The following RBFOX1 variants were observed in gnomAD, a reference collection of about 807,000 sequenced individuals.
RBFOX1 encodes the protein RNA binding fox-1 homolog 1, also known as RNA binding protein fox-1 homolog 1.
Under a neutral mutation model 57.7 loss-of-function variants are expected in RBFOX1, and 8 were observed. The observed-to-expected ratio is 0.14, with a 90% CI of 0.08 to 0.25. RBFOX1 has a LOEUF of 0.25. RBFOX1 is among the 10% of genes least tolerant of loss of function. The probability of loss-of-function intolerance (pLI) is 1.00; values close to 1 mark genes in which losing one functional copy is unlikely to be tolerated. For synonymous variants in RBFOX1, 326 were observed against 222.4 expected (o/e 1.47, Z -4.15); for missense variants, 611 against 548.5 (o/e 1.11, Z -1.14).
At chr16:5,391,315 A>G (rs934102091) in intron 1 of RBFOX1, among the ~76,000 whole-genome samples, 1 of 147,580 alleles carries the variant, frequency 6.8e-6, no homozygotes, top group Non-Finnish European at 1.5e-5. Context: ...CAGTGGGGTT[A>G]TGTTCCTCCT....
At chr16:7,610,321 G>C (rs183720751) in intron 10 of RBFOX1, among the ~76,000 whole-genome samples, 9 of 151,526 alleles carry the variant, frequency 5.9e-5, no homozygotes, top group African/African-American at 1.9e-4. Context: ...GGGTTTTGCC[G>C]TGTTGGCTAG....
chr16:6,676,673 C>CTTTT (rs756578276), intron 3 of RBFOX1, among the ~76,000 whole-genome samples: 161 of 103,484 alleles, frequency 1.6e-3, no homozygotes, highest in Non-Finnish European at 2.2e-3. Context: ...TTTTTCTTTT[C>CTTTT]TTTTTTTTTT....
At chr16:5,558,533 A>C (rs1876356) in intron 2 of RBFOX1, among the ~76,000 whole-genome samples, 53,840 of 151,914 alleles carry the variant, frequency 0.35, 10,480 homozygotes, top group East Asian at 0.5. Context: ...GACCAGAGAC[A>C]CTCCTGAGAT....
At chr16:6,726,367 AT>A (rs1370169103) in intron 3 of RBFOX1, among the ~76,000 whole-genome samples, 2 of 151,428 alleles carry the variant, frequency 1.3e-5, no homozygotes, top group South Asian at 2.1e-4. Context: ...TTGTAAAAAA[AT>A]AATAAATAAA....
chr16:6,804,933 T>C (rs7498872), intron 3 of RBFOX1, among the ~76,000 whole-genome samples: 85,603 of 152,070 alleles, frequency 0.56, 24,573 homozygotes, highest in African/African-American at 0.63. Flanking sequence ...ACTTCTCATA[T>C]GCTGTTGGTC....
At chr16:7,646,973 A>C (rs1568264876) in intron 11 of RBFOX1, among the ~76,000 whole-genome samples, 7 of 152,172 alleles carry the variant, frequency 4.6e-5, no homozygotes. Context: ...GGAGACAGGC[A>C]GTTAGCAGTT....
chr16:6,979,280 A>G lies in RBFOX1; in HGVS notation c.-15-72777A>G, dbSNP rs370044252. Among the ~76,000 whole-genome samples, 12 of 152,186 alleles carry G rather than the reference A, an allele frequency of 7.9e-5. No individual in the cohort carries two copies. In the East Asian group the frequency reaches 1.7e-3, roughly 22 times the overall value. On this transcript the variant is annotated intron_variant, in intron 3 of 15. Transcript: ENST00000550418. ...AATAGTAAAAACCTTAGAGGATTCTATGGGGTCCTGTCTGATTAAACACGC... is the reference window on the plus strand; with the variant it reads ...AATAGTAAAAACCTTAGAGGATTCTGTGGGGTCCTGTCTGATTAAACACGC...
chr16:6,103,245 A>G (rs1285671765), intron 1 of RBFOX1, among the ~76,000 whole-genome samples: 1 of 152,152 alleles, frequency 6.6e-6, no homozygotes, highest in African/African-American at 2.4e-5. Context: ...TCTGTCTCTG[A>G]CAGTTACCAG....
chr16:5,729,448 T>C (rs758332843), intron 3 of RBFOX1, among the ~76,000 whole-genome samples: 1 of 149,670 alleles, frequency 6.7e-6, no homozygotes, highest in South Asian at 2.1e-4. Flanking sequence ...GTTTTTTTCG[T>C]TGAGCATCTG....
At chr16:6,090,992 A>G (rs931237830) in intron 1 of RBFOX1, among the ~76,000 whole-genome samples, 3 of 152,230 alleles carry the variant, frequency 2.0e-5, no homozygotes, top group Non-Finnish European at 2.9e-5. Flanking sequence ...TGCATGTGCA[A>G]TGGTCAAGTT....
chr16:5,681,266 G>C (rs1207081073), intron 3 of RBFOX1, among the ~76,000 whole-genome samples: 1 of 134,152 alleles, frequency 7.5e-6, no homozygotes, highest in Non-Finnish European at 1.6e-5. Flanking sequence ...TTGTATTTTT[G>C]GTAGAGACGG....
intron 2 of RBFOX1, among the ~76,000 whole-genome samples, chr16:6,332,883 A>C (rs2083207756): frequency 1.3e-5 from 2 of 152,316 alleles, no homozygotes; most frequent in African/African-American, 4.8e-5. Flanking sequence ...TCTCTTATGA[A>C]AGTTATAGAA....
At chr16:5,602,310 C>T (rs1461164245), downstream of RBFOX1, among the ~76,000 whole-genome samples, 1 of 152,132 alleles carries the variant, frequency 6.6e-6, no homozygotes, top group South Asian at 2.1e-4. Flanking sequence ...GGAATTTGCA[C>T]CTTGGAGATG....
At chr16:5,920,066 G>A (rs967053360) in intron 4 of RBFOX1, among the ~76,000 whole-genome samples, 15 of 152,158 alleles carry the variant, frequency 9.9e-5, no homozygotes, top group Admixed American at 7.2e-4. Context: ...CCCGAGTAGC[G>A]GGGACTACAG....
At chr16:7,645,953 CTT>C (rs199902193) in intron 11 of RBFOX1, among the ~76,000 whole-genome samples, 2,239 of 144,130 alleles carry the variant, frequency 0.016, 66 homozygotes, top group African/African-American at 0.053. Context: ...ACCCACCCAC[CTT>C]TTTTTTTTTT....
At chr16:5,970,979 T>A (rs1190756348) in intron 4 of RBFOX1, among the ~76,000 whole-genome samples, 1 of 152,228 alleles carries the variant, frequency 6.6e-6, no homozygotes. Context: ...CTCAACCATC[T>A]CATTCCACAA....
chr16:5,956,243 T>C (rs1330936135), intron 4 of RBFOX1, among the ~76,000 whole-genome samples: 2 of 152,152 alleles, frequency 1.3e-5, no homozygotes, highest in Non-Finnish European at 2.9e-5. Flanking sequence ...TCCACTGCAC[T>C]GCATCCTGGG....
rs370552619 is a variant in RBFOX1 at position 6,922,680 on chromosome 16, A to G, written c.-15-129377A>G. The stretch of plus-strand genomic sequence containing the variant: ...GGTGAGGGTGGAGTAAACTTAGGCC[A>G]TGTTTTGGGCCTCACTGCATCCACC... On this transcript the variant is annotated intron_variant, in intron 3 of 15. Coordinates refer to ENST00000550418, the MANE Select transcript of RBFOX1 (RefSeq NM_018723.4). Among the ~76,000 whole-genome samples, 433 of 152,268 alleles carry G rather than the reference A, an allele frequency of 2.8e-3. 6 individuals carry two copies. Among genetic ancestry groups the G allele is most frequent in the African/African-American group, 0.01 (421 of 41,556 alleles).
At chr16:7,170,826 C>A (rs1049410134) in intron 4 of RBFOX1, among the ~76,000 whole-genome samples, 8 of 152,136 alleles carry the variant, frequency 5.3e-5, no homozygotes, top group Admixed American at 6.6e-5. Context: ...CACTTAAATC[C>A]AGGAGATCCC....
Sources: allele counts gnomAD v4.1 joint callset (sites outside exome capture counted in the v4.1 genomes callset), GRCh38; gene constraint gnomAD v4.1.1; transcripts MANE v1.5; gene names NCBI Gene and HGNC (gene_info 2026-07-23, HGNC 2026-07-21).